PCTP: variants seen among roughly 807,000 people sequenced by gnomAD.
The protein encoded by PCTP is phosphatidylcholine transfer protein, also known as START domain-containing protein 2.
Under a neutral mutation model 31.0 loss-of-function variants are expected in PCTP, and 27 were observed. That is an observed-to-expected ratio of 0.87 (90% CI 0.64 to 1.20). The LOEUF (loss-of-function observed/expected upper bound fraction) is 1.20, where lower values mean the gene tolerates loss of function less well. PCTP is among the 50% of genes most tolerant of loss of function. PCTP has a pLI of 0.00. For missense variants in PCTP, 287 were observed against 268.2 expected, an observed-to-expected ratio of 1.07 and a Z score of -0.49; for synonymous variants, 108 against 101.2, an observed-to-expected ratio of 1.07 and a Z score of -0.40.
intron 3 of PCTP, 61 bp from the exon 4 acceptor site, chr17:55,773,663 C>A: frequency 1.3e-6 from 2 of 1,505,470 alleles, no homozygotes; most frequent in Non-Finnish European, 1.8e-6. Flanking sequence ...CAGCTTGTGG[C>A]GCTTTCCTTC....
intron 1 of PCTP, among the ~76,000 whole-genome samples, chr17:55,763,172 A>G (rs1001371329): frequency 1.3e-5 from 2 of 152,168 alleles, no homozygotes; most frequent in Non-Finnish European, 2.9e-5. Flanking sequence ...ATTGCAAAAG[A>G]TTTATATCTC....
chr17:55,814,509 G>T (rs1237556581), intron 3 of PCTP, among the ~76,000 whole-genome samples: 1 of 152,236 alleles, frequency 6.6e-6, no homozygotes, highest in African/African-American at 2.4e-5. Context: ...GCTGAACAAG[G>T]TCGGGGGGAA....
intron 3 of PCTP, among the ~76,000 whole-genome samples, chr17:55,808,408 A>C (rs1021324670): frequency 6.6e-6 from 1 of 152,208 alleles, no homozygotes; most frequent in Non-Finnish European, 1.5e-5. Context: ...CATAAAAAGG[A>C]GGTAACTCAT....
chr17:55,789,719 G>A (rs1028944857), intron 3 of PCTP, among the ~76,000 whole-genome samples: 1 of 152,122 alleles, frequency 6.6e-6, no homozygotes, highest in Non-Finnish European at 1.5e-5. Context: ...AATTCTACCA[G>A]AGGTACAAGG....
intron 3 of PCTP, among the ~76,000 whole-genome samples, chr17:55,801,494 C>A (rs574388209): frequency 6.6e-6 from 1 of 152,172 alleles, no homozygotes; most frequent in East Asian, 1.9e-4. Flanking sequence ...TGTAAAAGAA[C>A]GGAAATCATA....
At chr17:55,753,802 A>G (rs981367394) in intron 1 of PCTP, among the ~76,000 whole-genome samples, 7 of 152,196 alleles carry the variant, frequency 4.6e-5, no homozygotes, top group African/African-American at 1.4e-4. Flanking sequence ...TGGCATATAC[A>G]AAGCACACGG....
intron 3 of PCTP, 140 bp downstream of exon 3, chr17:55,771,325 C>T: frequency 7.3e-6 from 5 of 683,154 alleles, no homozygotes; most frequent in Non-Finnish European, 1.0e-5. Context: ...GCAGCATTTG[C>T]TAAAGATATT....
At chr17:55,767,621 C>T (rs886334222) in intron 2 of PCTP, among the ~76,000 whole-genome samples, 169 bp downstream of exon 2, 1 of 152,050 alleles carries the variant, frequency 6.6e-6, no homozygotes, top group African/African-American at 2.4e-5. Context: ...CCCGCCACCA[C>T]ACCTGGCTAA....
At chr17:55,849,132 A>G in the PCTP span, among the ~76,000 whole-genome samples, 1 of 152,178 alleles carries the variant, frequency 6.6e-6, no homozygotes, top group Non-Finnish European at 1.5e-5. Flanking sequence ...ACGTTTTAGG[A>G]TGCATAGGAA....
downstream of PCTP, among the ~76,000 whole-genome samples, chr17:55,782,132 A>G (rs1268262523): frequency 6.6e-6 from 1 of 152,166 alleles, no homozygotes; most frequent in Non-Finnish European, 1.5e-5. Context: ...TCTCAGCTCA[A>G]AGCAGTCAGG....
chr17:55,758,514 C>T (rs1201512357), intron 1 of PCTP, among the ~76,000 whole-genome samples: 8 of 152,210 alleles, frequency 5.3e-5, no homozygotes, highest in Admixed American at 3.9e-4. Context: ...CAATTAGCAT[C>T]ATGAGCCCCA....
chr17:55,801,063 C>T (rs9901242), intron 3 of PCTP, among the ~76,000 whole-genome samples: 6,439 of 152,170 alleles, frequency 0.042, 446 homozygotes, highest in African/African-American at 0.14. Context: ...TGTCTGTTGA[C>T]CCCTGCTGGG....
intron 5 of PCTP, among the ~76,000 whole-genome samples, chr17:55,838,651 G>A (rs34555955): frequency 0.17 from 25,822 of 152,038 alleles, 2,332 homozygotes; most frequent in Middle Eastern, 0.26. Context: ...GAAGAGTGAC[G>A]GAATAAACAC....
intron 1 of PCTP, among the ~76,000 whole-genome samples, chr17:55,756,019 C>T (rs560609444): frequency 2.6e-5 from 4 of 152,300 alleles, no homozygotes; most frequent in South Asian, 2.1e-4. Flanking sequence ...AAAACTAGAC[C>T]AGGGCTGCCA....
In PCTP at chr17:55,774,701, G is replaced by C. The variant is rs976468827; in HGVS notation, c.512-91G>C. The C allele has an allele frequency of 1.9e-5, 20 of 1,071,614 alleles. No homozygotes were observed. In the African/African-American group the frequency reaches 3.1e-4, roughly 17 times the overall value. 66.4% of individuals were successfully genotyped at this position (1,071,614 alleles called of 1,614,324 possible). On this transcript the variant is annotated intron_variant, in intron 4 of 5. Coordinates refer to ENST00000268896, the MANE Select transcript of PCTP (RefSeq NM_021213.4). ...ACCTCCCTCTGCAGTTTCTGAGCTTGAATATGAAGATATAAAGTTTGCACA... is the reference window on the plus strand; with the variant it reads ...ACCTCCCTCTGCAGTTTCTGAGCTTCAATATGAAGATATAAAGTTTGCACA...
At chr17:55,783,065 T>TA (rs2144989722) in intron 2 of PCTP, among the ~76,000 whole-genome samples, 1 of 152,126 alleles carries the variant, frequency 6.6e-6, no homozygotes, top group South Asian at 2.1e-4. Flanking sequence ...GCCTGAAAGA[T>TA]AGGTCCAAAA....
chr17:55,832,746 T>C (rs1905644061), intron 5 of PCTP, among the ~76,000 whole-genome samples: 1 of 152,218 alleles, frequency 6.6e-6, no homozygotes, highest in Non-Finnish European at 1.5e-5. Flanking sequence ...CCTTGATCAA[T>C]ATGTTCGATG....
chr17:55,757,447 GACAC>G (rs72053094), intron 1 of PCTP, among the ~76,000 whole-genome samples: 17,864 of 144,720 alleles, frequency 0.12, 1,161 homozygotes, highest in Middle Eastern at 0.17. Context: ...AGGAAACTGA[GACAC>G]ACACACACAC....
intron 3 of PCTP, among the ~76,000 whole-genome samples, chr17:55,788,962 A>G (rs1433221788): frequency 6.6e-6 from 1 of 152,184 alleles, no homozygotes; most frequent in African/African-American, 2.4e-5. Flanking sequence ...GAATACAGAC[A>G]TTGGAGATGA....
Sources: allele counts gnomAD v4.1 joint callset (sites outside exome capture counted in the v4.1 genomes callset), GRCh38; gene constraint gnomAD v4.1.1; transcripts MANE v1.5; gene names NCBI Gene and HGNC (gene_info 2026-07-23, HGNC 2026-07-21).